MIB1: variants seen among roughly 807,000 people sequenced by gnomAD.
MIB1 encodes the protein MIB E3 ubiquitin protein ligase 1.
A neutral mutation model predicts 124.5 loss-of-function variants in MIB1; 278 were observed. The ratio of observed to expected loss-of-function variants is 2.23; its 90% CI spans 2.02 to 2.47. MIB1 has a LOEUF of 2.47. MIB1 is among the 30% of genes most tolerant of loss of function. The pLI, the probability that MIB1 is intolerant of heterozygous loss-of-function variation, is 0.00. For missense variants in MIB1, 957 were observed against 1,254.4 expected (o/e 0.76, Z 3.58); for synonymous variants, 446 against 429.4 (o/e 1.04, Z -0.48).
chr18:21,840,123 T>TA (rs2042069613), intron 13 of MIB1, among the ~76,000 whole-genome samples: 1 of 152,220 alleles, frequency 6.6e-6, no homozygotes, highest in Non-Finnish European at 1.5e-5. Flanking sequence ...TATATATAAA[T>TA]ACAATTTTTG....
intron 6 of MIB1, among the ~76,000 whole-genome samples, chr18:21,780,553 A>G (rs138340309): frequency 9.8e-5 from 15 of 152,362 alleles, no homozygotes; most frequent in Non-Finnish European, 1.5e-4. Flanking sequence ...ATGTTGCTGC[A>G]GATGACAGGA....
intron 10 of MIB1, among the ~76,000 whole-genome samples, chr18:21,813,199 CACAAAATAGGGTTAAAA>C (rs2041793690): frequency 7.1e-6 from 1 of 140,500 alleles, no homozygotes; most frequent in Non-Finnish European, 1.5e-5. Flanking sequence ...GAAGGTGAAT[CACAAAATAGGGTTAAAA>C]ACTGTAACAG....
intron 6 of MIB1, among the ~76,000 whole-genome samples, chr18:21,785,635 A>C (rs1196289294): frequency 1.3e-5 from 2 of 152,200 alleles, no homozygotes; most frequent in African/African-American, 4.8e-5. Flanking sequence ...TGCTAGAGTT[A>C]TGAGGTGATT....
At position 21,765,890 on chromosome 18, in the gene MIB1, T is replaced by G; in HGVS notation, c.348T>G (p.Asp116Glu). Reference sequence around the variant, plus strand: ...TGTGCACAGTGTGTTATCATGGAGATAAACATCATTTAAGACATCGCTTTT... The same window carrying G: ...TGTGCACAGTGTGTTATCATGGAGAGAAACATCATTTAAGACATCGCTTTT... ...YDLCTVCYHG[D>E]KHHLRHRFYR... Residue 116 changes from aspartate (D) to glutamate (E), a missense_variant, in exon 2 of 21, where the codon GAT becomes GAG. Transcript: ENST00000261537. 1 of 1,614,168 alleles carries G rather than the reference T, an allele frequency of 6.2e-7. No individual in the cohort carries two copies. Among genetic ancestry groups the G allele is most frequent in the Non-Finnish European group, 8.5e-7 (1 of 1,180,006 alleles).
intron 1 of MIB1, among the ~76,000 whole-genome samples, chr18:21,748,362 T>TCCCTCCCCCTCTCCC (rs2040934108): frequency 4.8e-5 from 3 of 62,140 alleles, no homozygotes; most frequent in African/African-American, 2.1e-4. Flanking sequence ...TCTCCCTCCC[T>TCCCTCCCCCTCTCCC]CCCTCCCTCT....
chr18:21,750,285 G>A (rs2146386035), intron 1 of MIB1, among the ~76,000 whole-genome samples: 1 of 152,128 alleles, frequency 6.6e-6, no homozygotes, highest in South Asian at 2.1e-4. Context: ...CTGAGTAGCT[G>A]GGATTACAGG....
In MIB1 at chr18:21,868,368, G is replaced by C. The variant is rs2042334890; in HGVS notation, c.*3702G>C. 1 of 152,428 alleles carries C rather than the reference G, an allele frequency of 6.6e-6. No homozygotes were observed. The highest frequency in any genetic ancestry group is 2.1e-4 in the South Asian group (1 of 4,834). 9.4% of individuals were successfully genotyped at this position (152,428 alleles called of 1,614,324 possible). ...AGTTGTTTGTGTTTGCAAGATCTAA[G>C]GTCATGGTAAACATTAAGTTCTTAA... On this transcript the variant is annotated 3_prime_UTR_variant, in exon 21 of 21. Coordinates refer to ENST00000261537, the MANE Select transcript of MIB1 (RefSeq NM_020774.4).
intron 1 of MIB1, among the ~76,000 whole-genome samples, chr18:21,732,000 A>T (rs1469050122): frequency 1.3e-5 from 2 of 151,306 alleles, no homozygotes; most frequent in East Asian, 3.9e-4. Flanking sequence ...AAAGAAGAAG[A>T]AAAATGGGTG....
intron 1 of MIB1, among the ~76,000 whole-genome samples, chr18:21,720,700 G>A (rs189110793): frequency 3.3e-5 from 5 of 152,290 alleles, no homozygotes; most frequent in Admixed American, 3.3e-4. Context: ...TGTAATCCCA[G>A]CACTTTGGGA....
intron 13 of MIB1, among the ~76,000 whole-genome samples, chr18:21,840,347 A>G (rs959505988): frequency 3.9e-5 from 6 of 152,282 alleles, no homozygotes; most frequent in Non-Finnish European, 7.4e-5. Context: ...CCAAAGTAAT[A>G]TGGGAAAGGA....
chr18:21,840,652 TA>T (rs2042077429), intron 13 of MIB1, among the ~76,000 whole-genome samples: 3 of 2,488 alleles, frequency 1.2e-3, no homozygotes, highest in African/African-American at 2.0e-3. Context: ...TATATATATA[TA>T]TATATATATA....
Position 21,791,509 on chromosome 18 carries a change from TA to T in MIB1, c.1047del (p.Lys349AsnfsTer18). The T allele has an allele frequency of 6.2e-7, 1 of 1,614,004 alleles. No homozygotes were observed. The highest frequency in any genetic ancestry group is 8.5e-7 in the Non-Finnish European group (1 of 1,179,926). The stretch of plus-strand genomic sequence containing the variant: ...AAGTTTGTTATGACCTGGAACGAAT[TA>T]AACTTCTACAAAGAGGACATGGAGA... ...VQVCYDLERI[K>X]LLQRGHGEWA... is the part of the protein sequence containing the mutation. On this transcript the variant is annotated frameshift_variant, in exon 7 of 21. Coordinates refer to ENST00000261537, the MANE Select transcript of MIB1 (RefSeq NM_020774.4). LOFTEE classifies it high-confidence loss of function.
intron 10 of MIB1, 137 bp downstream of exon 10, chr18:21,804,151 C>A: frequency 1.5e-6 from 1 of 648,344 alleles, no homozygotes; most frequent in Non-Finnish European, 2.6e-6. Flanking sequence ...AAAAATCTGA[C>A]AGAGGCAACT....
At chr18:21,721,163 T>TTG (rs1568175868) in intron 1 of MIB1, among the ~76,000 whole-genome samples, 1 of 73,636 alleles carries the variant, frequency 1.4e-5, no homozygotes, top group Non-Finnish European at 2.5e-5. Context: ...AAAGAAGTTT[T>TTG]TTTTTTTTTT....
rs745622800 is a variant in MIB1, at chr18:21,853,177, C to T, written c.2624C>T (p.Ala875Val). 1 of 1,613,546 alleles carries T rather than the reference C, an allele frequency of 6.2e-7. No homozygotes were observed. Among genetic ancestry groups the T allele is most frequent in the Non-Finnish European group, 8.5e-7 (1 of 1,179,652 alleles). The change falls in exon 18 of 21, where the codon GCT becomes GTT. Residue 875 changes from alanine to valine, a missense_variant. Coordinates refer to ENST00000261537, the MANE Select transcript of MIB1 (RefSeq NM_020774.4). ...GTGGTATGCTCTGACAAGAAAGCAG[C>T]TGTTCTTTTTCAACCCTGTGGCCAC... ...ECVVCSDKKA[A>V]VLFQPCGHMC...
At chr18:21,724,771 T>TATATAC (rs2040733578) in intron 1 of MIB1, among the ~76,000 whole-genome samples, 2 of 110,468 alleles carry the variant, frequency 1.8e-5, no homozygotes, top group African/African-American at 3.6e-5. Context: ...TATATATATA[T>TATATAC]ATTAGTCTAT....
intron 1 of MIB1, among the ~76,000 whole-genome samples, chr18:21,764,836 G>A (rs1806148260): frequency 6.6e-6 from 1 of 152,104 alleles, no homozygotes; most frequent in Non-Finnish European, 1.5e-5. Flanking sequence ...TACAGACGGA[G>A]TCAGAACTTG....
chr18:21,805,054 C>A (rs2041688513), intron 10 of MIB1, among the ~76,000 whole-genome samples: 1 of 151,906 alleles, frequency 6.6e-6, no homozygotes, highest in Non-Finnish European at 1.5e-5. Flanking sequence ...ACTCTGTTGC[C>A]CAGGCTGAAG....
At chr18:21,765,286 A>G (rs914815451) in intron 1 of MIB1, among the ~76,000 whole-genome samples, 2 of 152,202 alleles carry the variant, frequency 1.3e-5, no homozygotes, top group Non-Finnish European at 2.9e-5. Flanking sequence ...TTTCCTGACT[A>G]TGGGAAAAAC....
Sources: gnomAD v4.1 joint callset for allele counts (sites outside exome capture counted in the v4.1 genomes callset) on GRCh38, gnomAD v4.1.1 for gene constraint, MANE v1.5 for transcripts, NCBI Gene and HGNC (gene_info 2026-07-23, HGNC 2026-07-21) for gene names.